The following NCKAP5 variants were observed in gnomAD, a reference collection of about 807,000 sequenced individuals.
NCKAP5 encodes NCK associated protein 5.
In NCKAP5, 92 loss-of-function variants were observed where a neutral mutation model predicts 167.0. The ratio of observed to expected loss-of-function variants is 0.55; its 90% CI spans 0.47 to 0.66. The LOEUF is 0.66. Ranked by LOEUF, NCKAP5 falls within the 30% of genes least tolerant of loss-of-function variation. NCKAP5 has a pLI of 0.00. For synonymous variants in NCKAP5, 891 were observed against 877.4 expected (o/e 1.02, Z -0.27); for missense variants, 2,378 against 2,315.0 (o/e 1.03, Z -0.56).
chr2:133,265,055 G>A (rs2089121972), intron 4 of NCKAP5: 1 of 152,258 alleles, frequency 6.6e-6, no homozygotes. Flanking sequence ...GGAAATGACT[G>A]AGGAAGGGAT....
At chr2:133,429,685 T>C (rs1481262034) in intron 3 of NCKAP5, among the ~76,000 whole-genome samples, 1 of 152,212 alleles carries the variant, frequency 6.6e-6, no homozygotes, top group African/African-American at 2.4e-5. Flanking sequence ...ACGGTGTTTA[T>C]GTACCACATT....
intron 16 of NCKAP5, among the ~76,000 whole-genome samples, chr2:132,755,061 A>C (rs966770870): frequency 6.6e-6 from 1 of 152,210 alleles, no homozygotes; most frequent in African/African-American, 2.4e-5. Flanking sequence ...CTGTGCCTTG[A>C]GGTTTGAGTA....
intron 5 of NCKAP5, among the ~76,000 whole-genome samples, chr2:133,212,275 A>C (rs897035074): frequency 5.3e-5 from 8 of 152,350 alleles, no homozygotes; most frequent in African/African-American, 1.9e-4. Flanking sequence ...TTTGAAATGC[A>C]GTGAAAAGTC....
At chr2:132,791,440 C>A (rs1684062268) in intron 12 of NCKAP5, among the ~76,000 whole-genome samples, 1 of 152,270 alleles carries the variant, frequency 6.6e-6, no homozygotes, top group East Asian at 1.9e-4. Context: ...AGCTGTAAAC[C>A]TCCAAACACA....
chr2:133,390,091 C>T (rs1465492706), intron 3 of NCKAP5, among the ~76,000 whole-genome samples: 1 of 152,212 alleles, frequency 6.6e-6, no homozygotes, highest in Non-Finnish European at 1.5e-5. Flanking sequence ...ATAACACTCA[C>T]CTATGCAAAC....
At chr2:132,805,569 A>C (rs1685363989) in intron 11 of NCKAP5, among the ~76,000 whole-genome samples, 1 of 151,878 alleles carries the variant, frequency 6.6e-6, no homozygotes, top group African/African-American at 2.4e-5. Flanking sequence ...TGGTATTGTT[A>C]ATTTCATTTG....
intron 6 of NCKAP5, among the ~76,000 whole-genome samples, chr2:133,120,459 A>C (rs1045580183): frequency 6.6e-6 from 1 of 152,204 alleles, no homozygotes; most frequent in Non-Finnish European, 1.5e-5. Flanking sequence ...TGGACCATAA[A>C]GGTAATCAGA....
rs189956372 is a variant in NCKAP5, at chr2:132,865,538, A to T, written c.687+3398T>A. The stretch of plus-strand genomic sequence containing the variant: ...TCAAACTCTAAATGCTCTTCCTGCT[A>T]CAGAAGATAAGCAATACTTCCAGAA... On this transcript the variant is annotated intron_variant, in intron 10 of 19. Transcript: ENST00000409261. Among the ~76,000 whole-genome samples, 3 of 152,344 alleles carry T rather than the reference A, an allele frequency of 2.0e-5. No homozygotes were observed. The East Asian group carries it at 5.8e-4, about 29-fold the overall frequency.
At chr2:132,690,999 A>G (rs986471484) in intron 19 of NCKAP5, among the ~76,000 whole-genome samples, 5 of 152,136 alleles carry the variant, frequency 3.3e-5, no homozygotes, top group African/African-American at 1.2e-4. Context: ...CTAGATCATG[A>G]CTGTCTCCTG....
intron 6 of NCKAP5, among the ~76,000 whole-genome samples, chr2:133,102,544 C>A (rs981294204): frequency 1.3e-5 from 2 of 152,144 alleles, no homozygotes; most frequent in Non-Finnish European, 2.9e-5. Flanking sequence ...TGTTAATTAG[C>A]TTCCTGAAAA....
At chr2:133,489,805 T>G (rs557041513) in intron 3 of NCKAP5, among the ~76,000 whole-genome samples, 8 of 152,172 alleles carry the variant, frequency 5.3e-5, no homozygotes, top group African/African-American at 9.7e-5. Context: ...CCATTTGAAA[T>G]GGACACGGTG....
intron 16 of NCKAP5, among the ~76,000 whole-genome samples, chr2:132,736,547 G>A (rs764176156): frequency 4.1e-4 from 62 of 152,008 alleles, no homozygotes; most frequent in Non-Finnish European, 6.2e-4. Flanking sequence ...TGGGGAGGCC[G>A]AGGTGGGCGA....
intron 2 of NCKAP5, among the ~76,000 whole-genome samples, chr2:133,547,344 A>G (rs1000510854): frequency 1.3e-5 from 2 of 152,200 alleles, no homozygotes; most frequent in African/African-American, 4.8e-5. Flanking sequence ...TAAACAAAGC[A>G]GCCAGGAAGC....
the NCKAP5 span, among the ~76,000 whole-genome samples, chr2:133,613,031 C>G: frequency 2.0e-5 from 3 of 152,184 alleles, no homozygotes; most frequent in Non-Finnish European, 4.4e-5. Flanking sequence ...CTAAGAGGAG[C>G]ATTCCCAAAG....
the NCKAP5 span, among the ~76,000 whole-genome samples, chr2:133,606,049 T>C: frequency 1.9e-4 from 29 of 152,212 alleles, no homozygotes; most frequent in African/African-American, 6.5e-4. Flanking sequence ...CTGATTTTTA[T>C]GTAAGTTAAC....
chr2:133,018,513 T>G (rs1273027147), intron 6 of NCKAP5, among the ~76,000 whole-genome samples: 1 of 152,248 alleles, frequency 6.6e-6, no homozygotes, highest in Non-Finnish European at 1.5e-5. Flanking sequence ...TACTTAGATT[T>G]CATAGCCCTG....
intron 7 of NCKAP5, among the ~76,000 whole-genome samples, chr2:132,964,536 A>C (rs1400171191): frequency 6.6e-6 from 1 of 152,156 alleles, no homozygotes; most frequent in African/African-American, 2.4e-5. Flanking sequence ...AAAGTTGAGA[A>C]GTACTAAGTT....
intron 4 of NCKAP5, among the ~76,000 whole-genome samples, chr2:133,226,623 A>ACG (rs1363325223): frequency 6.6e-6 from 1 of 151,598 alleles, no homozygotes; most frequent in East Asian, 1.9e-4. Context: ...ACACACACAC[A>ACG]CACACACACA....
At chr2:132,839,354 C>A in intron 11 of NCKAP5, among the ~76,000 whole-genome samples, 1 of 151,984 alleles carries the variant, frequency 6.6e-6, no homozygotes, top group East Asian at 1.9e-4. Flanking sequence ...TACAAGATAA[C>A]CAGTTATACC....
Sources: allele counts gnomAD v4.1 joint callset (sites outside exome capture counted in the v4.1 genomes callset), GRCh38; gene constraint gnomAD v4.1.1; transcripts MANE v1.5; gene names NCBI Gene and HGNC (gene_info 2026-07-23, HGNC 2026-07-21).